The following SYT16 variants were observed in gnomAD, a reference collection of about 807,000 sequenced individuals.
The protein encoded by SYT16 is synaptotagmin-16.
SYT16 carries 42 observed loss-of-function variants against 61.4 expected under a neutral mutation model. That is an observed-to-expected ratio of 0.68 (90% CI 0.53 to 0.89). SYT16 has a LOEUF of 0.89. Among genes scored for constraint, SYT16 ranks in the 40% least tolerant of loss-of-function variants. The pLI is 0.00. For missense variants in SYT16, 804 were observed against 807.3 expected, an observed-to-expected ratio of 1.00 and a Z score of 0.05; for synonymous variants, 314 against 302.3, an observed-to-expected ratio of 1.04 and a Z score of -0.40.
intron 1 of SYT16, among the ~76,000 whole-genome samples, chr14:61,868,418 T>TA: frequency 3.9e-5 from 6 of 152,100 alleles, no homozygotes; most frequent in Admixed American, 3.9e-4. Flanking sequence ...TCAGATTTCT[T>TA]AAAATGGAAG....
intron 1 of SYT16, among the ~76,000 whole-genome samples, chr14:61,907,448 A>C (rs1285103715): frequency 6.6e-6 from 1 of 152,228 alleles, no homozygotes; most frequent in African/African-American, 2.4e-5. Context: ...TTTTGGCATC[A>C]GGCATTTGGG....
chr14:61,894,842 C>T (rs1422618740), intron 1 of SYT16, among the ~76,000 whole-genome samples: 1 of 152,160 alleles, frequency 6.6e-6, no homozygotes, highest in Non-Finnish European at 1.5e-5. Flanking sequence ...ATATTTACCA[C>T]TAAGGACTTT....
At chr14:62,034,427 A>C (rs1419970928) in intron 3 of SYT16, among the ~76,000 whole-genome samples, 5 of 152,188 alleles carry the variant, frequency 3.3e-5, no homozygotes, top group Non-Finnish European at 7.4e-5. Flanking sequence ...CATCAGTCAT[A>C]ATAGCTGAAA....
At chr14:61,856,629 C>T (rs753809929) in intron 1 of SYT16, among the ~76,000 whole-genome samples, 7 of 151,968 alleles carry the variant, frequency 4.6e-5, no homozygotes, top group Non-Finnish European at 8.8e-5. Flanking sequence ...TCAGGAATTT[C>T]GTTTTGGGAA....
At chr14:62,081,584 T>C (rs1289073036) in intron 6 of SYT16, among the ~76,000 whole-genome samples, 1 of 152,182 alleles carries the variant, frequency 6.6e-6, no homozygotes, top group Non-Finnish European at 1.5e-5. Context: ...CTGATCCTAC[T>C]CCTCCTGCCC....
chr14:61,858,120 C>CAAAA (rs34781118), intron 1 of SYT16, among the ~76,000 whole-genome samples: 1,667 of 36,452 alleles, frequency 0.046, no homozygotes, highest in Non-Finnish European at 0.081. Context: ...CACAGCTTGG[C>CAAAA]AAAAAAAAAA....
At chr14:62,057,598 G>T (rs2055622867) in intron 3 of SYT16, among the ~76,000 whole-genome samples, 1 of 152,126 alleles carries the variant, frequency 6.6e-6, no homozygotes, top group South Asian at 2.1e-4. Flanking sequence ...CCTAGGTTTA[G>T]GGCAGGAAGA....
chr14:62,067,104 ATGTGTGTG>A (rs34755658), intron 3 of SYT16, among the ~76,000 whole-genome samples: 7,742 of 150,676 alleles, frequency 0.051, 281 homozygotes, highest in South Asian at 0.18. Context: ...GTGTGTGTGC[ATGTGTGTG>A]TGTGTGTGTA....
intron 1 of SYT16, among the ~76,000 whole-genome samples, chr14:61,942,091 G>C (rs1243408785): frequency 6.6e-6 from 1 of 152,174 alleles, no homozygotes; most frequent in African/African-American, 2.4e-5. Context: ...TCAGATGTTG[G>C]TCTTATTTTT....
chr14:61,819,115 A>G (rs1233656538), intron 1 of SYT16, among the ~76,000 whole-genome samples: 3 of 152,238 alleles, frequency 2.0e-5, no homozygotes, highest in Non-Finnish European at 4.4e-5. Context: ...TTTCTAAATG[A>G]ATCTAAAATT....
chr14:61,961,008 G>A (rs1191218744), intron 1 of SYT16, among the ~76,000 whole-genome samples: 1 of 152,134 alleles, frequency 6.6e-6, no homozygotes, highest in Non-Finnish European at 1.5e-5. Flanking sequence ...ACAAAAATAA[G>A]CAATGAGGAA....
chr14:62,050,698 C>T (rs951148376), intron 3 of SYT16, among the ~76,000 whole-genome samples: 8 of 152,202 alleles, frequency 5.3e-5, no homozygotes, highest in South Asian at 2.1e-4. Context: ...ACAGTCAGGA[C>T]CCTCAGCTGC....
rs1228833973 is a variant in SYT16, at chr14:61,812,745, C to G, written c.-390C>G. 1.3e-5 allele frequency: 2 copies of G among 149,884 alleles called. No individual in the cohort carries two copies. 9.3% of individuals were successfully genotyped at this position (149,884 alleles called of 1,614,324 possible). On this transcript the variant is annotated 5_prime_UTR_variant, in exon 1 of 8. Coordinates refer to ENST00000683842, the MANE Select transcript of SYT16 (RefSeq NM_001367656.1). Reference sequence around the variant, plus strand: ...CGAGGAGCGCGCGCCCGGCCGGGCTCGGCGCCGGTTTCCCGAACCTGGGCG... The same window carrying G: ...CGAGGAGCGCGCGCCCGGCCGGGCTGGGCGCCGGTTTCCCGAACCTGGGCG...
chr14:62,075,438 C>T, intron 5 of SYT16, 47 bp downstream of exon 5: 1 of 1,542,932 alleles, frequency 6.5e-7, no homozygotes, highest in South Asian at 1.2e-5. Flanking sequence ...TTTCCCCTTC[C>T]CCTCTTTCCA....
chr14:61,909,655 G>A (rs926194741), intron 1 of SYT16, among the ~76,000 whole-genome samples: 5 of 152,166 alleles, frequency 3.3e-5, no homozygotes, highest in African/African-American at 1.2e-4. Flanking sequence ...TAAGCTCATA[G>A]TCACAGGTTA....
intron 7 of SYT16, among the ~76,000 whole-genome samples, chr14:62,089,783 C>T (rs114898338): frequency 6.6e-6 from 1 of 152,320 alleles, no homozygotes; most frequent in African/African-American, 2.4e-5. Flanking sequence ...AAATGATAAC[C>T]TCCAGGTCTG....
At chr14:62,061,790 AAGTT>A (rs974294228) in intron 3 of SYT16, among the ~76,000 whole-genome samples, 5 of 152,102 alleles carry the variant, frequency 3.3e-5, no homozygotes, top group Non-Finnish European at 5.9e-5. Context: ...TTCAAAATAA[AAGTT>A]AGAGATTTTA....
chr14:61,861,523 G>GC (rs1029578556), intron 1 of SYT16, among the ~76,000 whole-genome samples: 2 of 152,044 alleles, frequency 1.3e-5, no homozygotes, highest in African/African-American at 4.8e-5. Context: ...TCTTGCTTCA[G>GC]CCCCCCACGT....
intron 1 of SYT16, among the ~76,000 whole-genome samples, chr14:61,968,167 A>G (rs1018553227): frequency 6.6e-6 from 1 of 152,164 alleles, no homozygotes; most frequent in African/African-American, 2.4e-5. Flanking sequence ...AGGCTGAGGC[A>G]TGAGAATCGC....
Sources: gnomAD v4.1 joint callset for allele counts (sites outside exome capture counted in the v4.1 genomes callset) on GRCh38, gnomAD v4.1.1 for gene constraint, MANE v1.5 for transcripts, NCBI Gene and HGNC (gene_info 2026-07-23, HGNC 2026-07-21) for gene names.